Variants in STYXL1 observed in about 807,000 individuals in gnomAD.
STYXL1 encodes serine/threonine/tyrosine interacting like 1.
STYXL1 carries 32 observed loss-of-function variants against 36.4 expected under a neutral mutation model. The observed-to-expected ratio is 0.88, with a 90% CI of 0.66 to 1.18. The LOEUF is 1.18. STYXL1 is among the 50% of genes most tolerant of loss of function. The pLI, the probability that STYXL1 is intolerant of heterozygous loss-of-function variation, is 0.00. For synonymous variants in STYXL1, 133 were observed against 144.1 expected (o/e 0.92, Z 0.55); for missense variants, 354 against 394.1 (o/e 0.90, Z 0.86).
At chr7:75,999,557 T>G (rs71539272) in intron 8 of STYXL1, among the ~76,000 whole-genome samples, 2 of 143,208 alleles carry the variant, frequency 1.4e-5, no homozygotes, top group African/African-American at 2.7e-5. Flanking sequence ...GTGTGTATAT[T>G]TTTTTTTGAG....
At chr7:76,047,154 A>G (rs1390756967) in intron 1 of STYXL1, among the ~76,000 whole-genome samples, 2 of 151,976 alleles carry the variant, frequency 1.3e-5, no homozygotes, top group Admixed American at 1.3e-4. Context: ...CCAGCTACTC[A>G]GGAGAATGAG....
chr7:76,003,555 T>C lies in STYXL1; in HGVS notation c.697+203A>G, dbSNP rs191420210. Reference sequence around the variant, plus strand: ...ACTGCCCCCGAGGTAAACACCACGGTTGCTCGTTTCACTGAGGGCTCCCCA... The same window carrying C: ...ACTGCCCCCGAGGTAAACACCACGGCTGCTCGTTTCACTGAGGGCTCCCCA... On this transcript the variant is annotated intron_variant, in intron 7 of 8. Coordinates refer to ENST00000359697, the MANE Select transcript of STYXL1 (RefSeq NM_001317785.2). Among the ~76,000 whole-genome samples, 1,101 of 152,258 alleles carry C rather than the reference T, an allele frequency of 7.2e-3. 9 individuals carry two copies. The highest frequency in any genetic ancestry group is 0.027 in the Admixed American group (410 of 15,292).
intron 1 of STYXL1, among the ~76,000 whole-genome samples, chr7:76,040,520 T>C (rs144017475): frequency 2.4e-4 from 37 of 152,160 alleles, no homozygotes; most frequent in Non-Finnish European, 1.8e-4. Context: ...TTCCAGCAGG[T>C]AGGAGGCCCA....
At chr7:76,011,481 C>T (rs1029735528) in intron 5 of STYXL1, among the ~76,000 whole-genome samples, 3 of 152,186 alleles carry the variant, frequency 2.0e-5, no homozygotes, top group East Asian at 1.9e-4. Flanking sequence ...CACATTTGCC[C>T]AGTCATTCTA....
chr7:76,017,860 C>A (rs1793571931), intron 4 of STYXL1, among the ~76,000 whole-genome samples: 4 of 1,482 alleles, frequency 2.7e-3, no homozygotes, highest in Non-Finnish European at 0.038. Context: ...GAGCAAAACT[C>A]CATCTCAAAA....
intron 5 of STYXL1, among the ~76,000 whole-genome samples, chr7:76,013,142 G>A (rs1193772651): frequency 6.6e-6 from 1 of 151,990 alleles, no homozygotes; most frequent in African/African-American, 2.4e-5. Flanking sequence ...CTGGCTAACA[G>A]GGTGAAACCC....
chr7:76,031,314 G>C (rs1305401261), intron 1 of STYXL1, among the ~76,000 whole-genome samples: 1 of 102,474 alleles, frequency 9.8e-6, no homozygotes, highest in Non-Finnish European at 1.7e-5. Context: ...CTGGGGGACA[G>C]AGTGAGACTC....
At chr7:76,022,207 C>G (rs139809972) in intron 3 of STYXL1, among the ~76,000 whole-genome samples, 3 of 152,148 alleles carry the variant, frequency 2.0e-5, no homozygotes, top group Non-Finnish European at 4.4e-5. Flanking sequence ...AAAAGCTGAC[C>G]ACAGCTGACT....
At position 76,030,961 on chromosome 7, in the gene STYXL1, G is replaced by A. The variant is rs182584437; in HGVS notation, c.-4-434C>T. Among the ~76,000 whole-genome samples, 36 of 151,532 alleles carry A rather than the reference G, an allele frequency of 2.4e-4. No homozygotes were observed. The East Asian group carries it at 3.9e-3, about 16-fold the overall frequency. On this transcript the variant is annotated intron_variant, in intron 1 of 8. Transcript: ENST00000359697. Reference sequence around the variant, plus strand: ...GGATCACCTAAGGTCAGGAGTTCAAGAGAAGCCTGGCCAACATGGTGAAAC... The same window carrying A: ...GGATCACCTAAGGTCAGGAGTTCAAAAGAAGCCTGGCCAACATGGTGAAAC...
rs1585191368 is a variant in STYXL1, at chr7:76,005,247, C to T, written c.599+12G>A. 1 of 1,385,220 alleles carries T rather than the reference C, an allele frequency of 7.2e-7. No homozygotes were observed. Among genetic ancestry groups the T allele is most frequent in the East Asian group, 2.7e-5 (1 of 37,672 alleles). The allele number at this position is 1,385,220 out of a possible 1,614,324, so 85.8% of individuals were successfully genotyped here. A position where few individuals can be genotyped will look rare whatever the true frequency, so the allele number is the denominator to read the frequency against. On this transcript the variant is annotated intron_variant, in intron 6 of 8. Coordinates refer to ENST00000359697, the MANE Select transcript of STYXL1 (RefSeq NM_001317785.2). ...AAAATGAAATATAAATCAGTAGTTTCTCTTTACTTACAAGGGCCCTGTATC... is the reference window on the plus strand; with the variant it reads ...AAAATGAAATATAAATCAGTAGTTTTTCTTTACTTACAAGGGCCCTGTATC...
chr7:76,030,647 A>G (rs1795227147), intron 1 of STYXL1, 120 bp from the exon 2 acceptor site: 2 of 648,136 alleles, frequency 3.1e-6, no homozygotes, highest in African/African-American at 1.8e-5. Flanking sequence ...GACAGTAATC[A>G]TGTAAATGAT....
intron 3 of STYXL1, among the ~76,000 whole-genome samples, chr7:76,022,252 G>C (rs1353414939): frequency 2.0e-5 from 3 of 152,156 alleles, no homozygotes; most frequent in Non-Finnish European, 4.4e-5. Context: ...AAGAACAGCT[G>C]GTCTGCTGAC....
At chr7:76,040,393 T>C (rs1199120538) in intron 1 of STYXL1, among the ~76,000 whole-genome samples, 7 of 152,182 alleles carry the variant, frequency 4.6e-5, no homozygotes, top group African/African-American at 9.7e-5. Context: ...CAGACTCAGA[T>C]CTGCCACAAT....
intron 6 of STYXL1, among the ~76,000 whole-genome samples, chr7:76,005,011 A>G (rs1327560363): frequency 6.6e-6 from 1 of 152,074 alleles, no homozygotes. Flanking sequence ...AAAAAATAAT[A>G]ATAATAAAAT....
chr7:76,031,361 A>C (rs2116327659), intron 1 of STYXL1, among the ~76,000 whole-genome samples: 1 of 144,118 alleles, frequency 6.9e-6, no homozygotes, highest in Middle Eastern at 3.6e-3. Flanking sequence ...AAAAAAAAGT[A>C]ATATATTGAA....
At chr7:76,026,028 T>A (rs187271921) in intron 3 of STYXL1, among the ~76,000 whole-genome samples, 5 of 145,858 alleles carry the variant, frequency 3.4e-5, no homozygotes, top group Non-Finnish European at 6.1e-5. Context: ...CCGTCTCTAC[T>A]ACGAATACAA....
chr7:76,041,479 T>A (rs1333909442), intron 1 of STYXL1, among the ~76,000 whole-genome samples: 2 of 152,216 alleles, frequency 1.3e-5, no homozygotes, highest in African/African-American at 4.8e-5. Flanking sequence ...GTGATTTGGC[T>A]ATTAAGATGG....
At chr7:76,026,929 C>T (rs782095877) in intron 3 of STYXL1, among the ~76,000 whole-genome samples, 1 of 152,106 alleles carries the variant, frequency 6.6e-6, no homozygotes, top group Admixed American at 6.6e-5. Flanking sequence ...GGTGTGGTGG[C>T]GCACGCCTGT....
intron 3 of STYXL1, among the ~76,000 whole-genome samples, chr7:76,022,390 T>A (rs1400671581): frequency 2.6e-5 from 4 of 151,936 alleles, no homozygotes; most frequent in African/African-American, 9.7e-5. Context: ...CTGGATGCAG[T>A]GGTTTGCACC....
Sources: gnomAD v4.1 joint callset for allele counts (sites outside exome capture counted in the v4.1 genomes callset) on GRCh38, gnomAD v4.1.1 for gene constraint, MANE v1.5 for transcripts, NCBI Gene and HGNC (gene_info 2026-07-23, HGNC 2026-07-21) for gene names.